The following ZNF277 variants were observed in gnomAD, a reference collection of about 807,000 sequenced individuals.
The protein encoded by ZNF277 is zinc finger protein 277, also known as nuclear receptor-interacting factor 4.
In ZNF277, 55 loss-of-function variants were observed where a neutral mutation model predicts 60.7. That is an observed-to-expected ratio of 0.91 (90% confidence interval 0.73 to 1.13). The LOEUF is 1.13. Ranked by LOEUF, ZNF277 falls within the 50% of genes most tolerant of loss-of-function variation. The probability of loss-of-function intolerance (pLI) is 0.00; values close to 1 mark genes in which losing one functional copy is unlikely to be tolerated. For synonymous variants in ZNF277, 178 were observed against 179.3 expected, an observed-to-expected ratio of 0.99 and a Z score of 0.06; for missense variants, 510 against 523.0, an observed-to-expected ratio of 0.98 and a Z score of 0.24.
intron 9 of ZNF277, among the ~76,000 whole-genome samples, chr7:112,339,315 T>G (rs1249955832): frequency 6.6e-6 from 1 of 152,176 alleles, no homozygotes; most frequent in Non-Finnish European, 1.5e-5. Context: ...TATGAGCAAT[T>G]ATAATGTTGT....
rs538038356 is a variant in ZNF277 at position 112,284,794 on chromosome 7, T to C, written c.92-2079T>C. 2.9e-4 allele frequency among the ~76,000 whole-genome samples: 44 copies of C among 152,328 alleles called. No homozygotes were observed. In the Middle Eastern group the frequency reaches 0.02, roughly 71 times the overall value. Reference sequence around the variant, plus strand: ...GGGTGATGTATTAGAGACCCTCTTCTATGGGACACCTTCCTTCTCCAGCTC... The same window carrying C: ...GGGTGATGTATTAGAGACCCTCTTCCATGGGACACCTTCCTTCTCCAGCTC... On this transcript the variant is annotated intron_variant, in intron 1 of 11. Transcript: ENST00000361822.
At chr7:112,329,489 A>G (rs960077236) in intron 6 of ZNF277, among the ~76,000 whole-genome samples, 2 of 152,222 alleles carry the variant, frequency 1.3e-5, no homozygotes, top group Admixed American at 6.5e-5. Context: ...ACATACATGA[A>G]TAAATACCTA....
chr7:112,287,125 GC>G, intron 2 of ZNF277, 51 bp downstream of exon 2: 1 of 1,586,808 alleles, frequency 6.3e-7, no homozygotes, highest in South Asian at 1.1e-5. Flanking sequence ...ATGTGTGGTG[GC>G]TCATGTCTGT....
chr7:112,324,990 ATCT>A (rs1329249293), intron 5 of ZNF277, among the ~76,000 whole-genome samples: 3 of 152,116 alleles, frequency 2.0e-5, no homozygotes, highest in Non-Finnish European at 4.4e-5. Context: ...GGTATGGGCT[ATCT>A]TCTTTACTCA....
intron 5 of ZNF277, 112 bp from the exon 6 acceptor site, chr7:112,327,605 T>G: frequency 4.1e-6 from 3 of 725,050 alleles, no homozygotes; most frequent in Non-Finnish European, 7.1e-6. Flanking sequence ...TGTTAGTGCT[T>G]AGCACTTGCT....
intron 9 of ZNF277, among the ~76,000 whole-genome samples, chr7:112,338,504 A>G (rs1322425247): frequency 6.6e-6 from 1 of 152,122 alleles, no homozygotes; most frequent in Non-Finnish European, 1.5e-5. Flanking sequence ...TAATAGAAAA[A>G]TATTACTGGA....
rs555516711 is a variant in ZNF277 at position 112,293,995 on chromosome 7, A to G, written c.294-1874A>G. On this transcript the variant is annotated intron_variant, in intron 2 of 11. Transcript: ENST00000361822. Reference sequence around the variant, plus strand: ...TATAAATTTGATTAATCATGAAAATAGATGTCTATATTTCAATTTAGAGGA... The same window carrying G: ...TATAAATTTGATTAATCATGAAAATGGATGTCTATATTTCAATTTAGAGGA... Among the ~76,000 whole-genome samples, 4 of 152,348 alleles carry G rather than the reference A, an allele frequency of 2.6e-5. No individual in the cohort carries two copies. The South Asian group carries it at 6.2e-4, about 24-fold the overall frequency.
chr7:112,287,026 A>G lies in ZNF277; in HGVS notation c.245A>G (p.Glu82Gly). Reference sequence around the variant, plus strand: ...AAACTTCTGAAGCACATGATTATTGAGCATAAGATTGTCATAGCTGATGTC... The same window carrying G: ...AAACTTCTGAAGCACATGATTATTGGGCATAAGATTGTCATAGCTGATGTC... ...QDKLLKHMII[E>G]HKIVIADVKL... Residue 82 changes from glutamate to glycine, a missense_variant, in exon 2 of 12, where the codon GAG becomes GGG. Glu to Gly is a moderately conservative substitution (Grantham distance 98, BLOSUM62 -2). Transcript: ENST00000361822. 6.2e-7 allele frequency: 1 copy of G among 1,613,966 alleles called. No individual in the cohort carries two copies. The highest frequency in any genetic ancestry group is 1.3e-5 in the African/African-American group (1 of 74,982).
At chr7:112,232,070 T>C (rs981193558) in intron 1 of ZNF277, among the ~76,000 whole-genome samples, 1 of 116,684 alleles carries the variant, frequency 8.6e-6, no homozygotes, top group African/African-American at 3.2e-5. Flanking sequence ...TATATATATA[T>C]ATATATATAT....
At chr7:112,287,285 G>A in intron 2 of ZNF277, 1 of 561,042 alleles carries the variant, frequency 1.8e-6, no homozygotes, top group Admixed American at 3.1e-5. Context: ...TGAGGCAGGA[G>A]GGCTGCTTGC....
At position 112,291,932 on chromosome 7, in the gene ZNF277, A is replaced by AT. The variant is rs373324233; in HGVS notation, c.294-3928dup. ...GTTATATTTTGCTTTGTAACAGATG[A>AT]TTTTTTTTTCTTTGATGTTGTTGTC... On this transcript the variant is annotated intron_variant, in intron 2 of 11. Coordinates refer to ENST00000361822, the MANE Select transcript of ZNF277 (RefSeq NM_021994.3). Among the ~76,000 whole-genome samples, 194 of 151,548 alleles carry AT rather than the reference A, an allele frequency of 1.3e-3. 1 individual carries two copies. Among genetic ancestry groups the AT allele is most frequent in the African/African-American group, 4.4e-3 (180 of 41,318 alleles).
intron 4 of ZNF277, among the ~76,000 whole-genome samples, chr7:112,314,582 G>A (rs531649118): frequency 1.1e-4 from 17 of 151,988 alleles, no homozygotes; most frequent in Non-Finnish European, 1.5e-4. Flanking sequence ...TCACTTGACC[G>A]CAGGAGTTCA....
At chr7:112,284,299 A>G (rs1294738463) in intron 1 of ZNF277, among the ~76,000 whole-genome samples, 1 of 152,212 alleles carries the variant, frequency 6.6e-6, no homozygotes, top group African/African-American at 2.4e-5. Flanking sequence ...TGTATATCTC[A>G]ATTAAATCTG....
At chr7:112,220,690 C>A (rs949646096) in intron 1 of ZNF277, among the ~76,000 whole-genome samples, 7 of 152,188 alleles carry the variant, frequency 4.6e-5, no homozygotes, top group Admixed American at 4.6e-4. Flanking sequence ...GACTAAGAAT[C>A]CCTAAGCCTA....
intron 2 of ZNF277, chr7:112,288,348 C>A (rs532460054): frequency 2.0e-5 from 3 of 152,304 alleles, no homozygotes; most frequent in East Asian, 1.9e-4. Context: ...ACATTGAATA[C>A]CCCTGCATCT....
chr7:112,249,400 A>G lies in ZNF277; in HGVS notation c.92-37473A>G, dbSNP rs138642548. ...TAGATGTGACTTTGTACTGTGTTAA[A>G]TGAGCCATTTGATCCCTTTCATGCC... On this transcript the variant is annotated intron_variant, in intron 1 of 11. Transcript: ENST00000361822. Among the ~76,000 whole-genome samples the G allele has an allele frequency of 7.2e-5, 11 of 152,310 alleles. No individual in the cohort carries two copies. In the East Asian group the frequency reaches 1.9e-3, roughly 27 times the overall value.
At chr7:112,247,696 G>A (rs1008667855) in intron 1 of ZNF277, among the ~76,000 whole-genome samples, 7 of 152,076 alleles carry the variant, frequency 4.6e-5, no homozygotes, top group South Asian at 4.2e-4. Flanking sequence ...ATCCAGGCAC[G>A]GATGCTCATG....
At chr7:112,262,668 T>C (rs1791464128) in intron 1 of ZNF277, among the ~76,000 whole-genome samples, 2 of 152,078 alleles carry the variant, frequency 1.3e-5, no homozygotes, top group African/African-American at 4.8e-5. Context: ...TTAAGAAAAA[T>C]ATTTTGTCTT....
intron 1 of ZNF277, among the ~76,000 whole-genome samples, chr7:112,275,689 A>G (rs1031489630): frequency 6.6e-6 from 1 of 152,184 alleles, no homozygotes; most frequent in Non-Finnish European, 1.5e-5. Flanking sequence ...AATTTATAAT[A>G]TTTCAAAAAG....
Sources: gnomAD v4.1 joint callset for allele counts (sites outside exome capture counted in the v4.1 genomes callset) on GRCh38, gnomAD v4.1.1 for gene constraint, MANE v1.5 for transcripts, NCBI Gene and HGNC (gene_info 2026-07-23, HGNC 2026-07-21) for gene names.